Variants in NKAIN2 observed in about 807,000 individuals in gnomAD.
NKAIN2 encodes sodium/potassium transporting ATPase interacting 2, also known as sodium/potassium-transporting ATPase subunit beta-1-interacting protein 2.
NKAIN2 carries 14 observed loss-of-function variants against 32.6 expected under a neutral mutation model. That is an observed-to-expected ratio of 0.43 (90% confidence interval 0.28 to 0.67). The LOEUF (loss-of-function observed/expected upper bound fraction) is 0.67. NKAIN2 is among the 30% of genes least tolerant of loss of function. The pLI, the probability that NKAIN2 is intolerant of heterozygous loss-of-function variation, is 0.17. For synonymous variants in NKAIN2, 80 were observed against 87.2 expected, an observed-to-expected ratio of 0.92 and a Z score of 0.46; for missense variants, 198 against 258.3, an observed-to-expected ratio of 0.77 and a Z score of 1.60.
intron 1 of NKAIN2, among the ~76,000 whole-genome samples, chr6:123,937,330 CA>C (rs1270785192): frequency 2.0e-5 from 3 of 152,008 alleles, no homozygotes; most frequent in Non-Finnish European, 4.4e-5. Context: ...TTGATTTGTT[CA>C]GGACTTCTCT....
At chr6:124,472,841 T>C (rs148688850) in intron 3 of NKAIN2, among the ~76,000 whole-genome samples, 331 of 152,208 alleles carry the variant, frequency 2.2e-3, no homozygotes, top group African/African-American at 7.6e-3. Flanking sequence ...TATATACACA[T>C]ACATATATAT....
At chr6:124,226,156 T>C (rs987112007) in intron 1 of NKAIN2, among the ~76,000 whole-genome samples, 10 of 145,500 alleles carry the variant, frequency 6.9e-5, no homozygotes, top group African/African-American at 2.4e-4. Flanking sequence ...TTAATTTGTA[T>C]TTTTTTCCTA....
At chr6:123,961,185 A>G (rs1367441806) in intron 1 of NKAIN2, among the ~76,000 whole-genome samples, 1 of 152,096 alleles carries the variant, frequency 6.6e-6, no homozygotes, top group African/African-American at 2.4e-5. Flanking sequence ...TAAAGAAGAC[A>G]AAGCAGAAAA....
At chr6:124,012,460 T>C (rs1262490950) in intron 1 of NKAIN2, among the ~76,000 whole-genome samples, 2 of 150,942 alleles carry the variant, frequency 1.3e-5, no homozygotes, top group Non-Finnish European at 3.0e-5. Flanking sequence ...CTCAGCCTCC[T>C]AAGTAGCTGG....
At chr6:123,809,322 A>G (rs1181737966) in intron 1 of NKAIN2, among the ~76,000 whole-genome samples, 1 of 125,218 alleles carries the variant, frequency 8.0e-6, no homozygotes, top group African/African-American at 3.1e-5. Flanking sequence ...CCATCAAGAT[A>G]CAATGTATGT....
intron 3 of NKAIN2, among the ~76,000 whole-genome samples, chr6:124,401,827 C>A (rs1329675038): frequency 1.3e-5 from 2 of 152,096 alleles, no homozygotes; most frequent in Non-Finnish European, 2.9e-5. Context: ...GGGTATACAA[C>A]TATTATTTAC....
At chr6:124,087,386 C>T (rs1053305426) in intron 1 of NKAIN2, among the ~76,000 whole-genome samples, 2 of 151,818 alleles carry the variant, frequency 1.3e-5, no homozygotes, top group African/African-American at 4.8e-5. Context: ...TCCTCTCTCA[C>T]CATCTCTTTT....
At chr6:124,476,108 G>T (rs139139864) in intron 3 of NKAIN2, among the ~76,000 whole-genome samples, 1 of 145,786 alleles carries the variant, frequency 6.9e-6, no homozygotes, top group Non-Finnish European at 1.5e-5. Context: ...GCGTGCGCGC[G>T]CGCATGCATG....
chr6:124,519,484 A>G (rs996496703), intron 3 of NKAIN2, among the ~76,000 whole-genome samples: 7 of 152,182 alleles, frequency 4.6e-5, no homozygotes, highest in African/African-American at 1.4e-4. Flanking sequence ...TGTACAAGCT[A>G]TGAGTTAAAA....
chr6:124,028,703 A>G (rs1222300381), intron 1 of NKAIN2, among the ~76,000 whole-genome samples: 2 of 149,532 alleles, frequency 1.3e-5, no homozygotes, highest in Non-Finnish European at 3.0e-5. Flanking sequence ...ACATGTATAC[A>G]CGTGTATATA....
In NKAIN2 at chr6:123,964,995, A is replaced by G. The variant is rs1778007446; in HGVS notation, c.54+160741A>G. On this transcript the variant is annotated intron_variant, in intron 1 of 6. Transcript: ENST00000368417. This position sits in a 1 kb window ranked among gnomAD's most constrained non-coding sequence, Gnocchi z 4.0. ...GTAAACATTTTTCCTGGATTTTATTATTTATTTTATGAGATCCCTGTTTTC... is the reference window on the plus strand; with the variant it reads ...GTAAACATTTTTCCTGGATTTTATTGTTTATTTTATGAGATCCCTGTTTTC... Among the ~76,000 whole-genome samples the G allele has an allele frequency of 6.6e-6, 1 of 151,864 alleles. No homozygotes were observed. The highest frequency in any genetic ancestry group is 6.6e-5 in the Admixed American group (1 of 15,236).
chr6:124,506,986 A>G (rs1316376601), intron 3 of NKAIN2, among the ~76,000 whole-genome samples: 2 of 152,228 alleles, frequency 1.3e-5, no homozygotes, highest in Admixed American at 1.3e-4. Context: ...AGAAGCTCCA[A>G]GTGACTCATG....
At chr6:124,219,276 T>C (rs1187261228) in intron 1 of NKAIN2, among the ~76,000 whole-genome samples, 1 of 79,810 alleles carries the variant, frequency 1.3e-5, no homozygotes, top group Non-Finnish European at 2.6e-5. Context: ...TTCTTTTTTC[T>C]TTTTTTCTTT....
chr6:124,067,200 T>G (rs1345060212), intron 1 of NKAIN2, among the ~76,000 whole-genome samples: 3 of 152,150 alleles, frequency 2.0e-5, no homozygotes, highest in African/African-American at 7.2e-5. Flanking sequence ...GTGTGACAGC[T>G]GGGCACCCTT....
intron 3 of NKAIN2, among the ~76,000 whole-genome samples, chr6:124,502,797 A>G (rs142256789): frequency 1.7e-3 from 265 of 152,212 alleles, no homozygotes; most frequent in African/African-American, 6.1e-3. Context: ...TACTGGGGCT[A>G]CTTATGGACT....
chr6:124,647,258 G>T (rs986887077), intron 3 of NKAIN2, among the ~76,000 whole-genome samples: 7 of 151,618 alleles, frequency 4.6e-5, no homozygotes, highest in African/African-American at 1.5e-4. Flanking sequence ...TATTAAAAAT[G>T]ACTTCAGTCT....
At chr6:124,655,171 A>C (rs1457912980) in intron 3 of NKAIN2, among the ~76,000 whole-genome samples, 1 of 152,068 alleles carries the variant, frequency 6.6e-6, no homozygotes, top group Non-Finnish European at 1.5e-5. Flanking sequence ...TAGTATTAGG[A>C]AAGAAGAGAT....
chr6:124,160,973 G>C (rs1023979368), intron 1 of NKAIN2, among the ~76,000 whole-genome samples: 1 of 152,068 alleles, frequency 6.6e-6, no homozygotes, highest in African/African-American at 2.4e-5. Flanking sequence ...TATATATATA[G>C]ATTGTGAACT....
At chr6:124,459,441 A>G (rs562255177) in intron 3 of NKAIN2, among the ~76,000 whole-genome samples, 2 of 152,042 alleles carry the variant, frequency 1.3e-5, no homozygotes, top group African/African-American at 4.8e-5. Flanking sequence ...AAAATTATGG[A>G]TAAGTGTCAT....
Sources: allele counts gnomAD v4.1 joint callset (sites outside exome capture counted in the v4.1 genomes callset), GRCh38; gene constraint gnomAD v4.1.1; non-coding constraint Gnocchi (gnomAD v3.1); transcripts MANE v1.5; gene names NCBI Gene and HGNC (gene_info 2026-07-23, HGNC 2026-07-21).